PRKN: variants seen among roughly 807,000 people sequenced by gnomAD.
PRKN encodes the protein E3 ubiquitin-protein ligase parkin.
Under a neutral mutation model 59.5 loss-of-function variants are expected in PRKN, and 56 were observed. That is an observed-to-expected ratio of 0.94 (90% confidence interval 0.76 to 1.18). PRKN has a LOEUF of 1.18. PRKN is among the 50% of genes most tolerant of loss of function. PRKN has a pLI of 0.00. For missense variants in PRKN, 657 were observed against 596.4 expected (o/e 1.10, Z -1.06); for synonymous variants, 250 against 222.1 (o/e 1.13, Z -1.12).
chr6:162,010,075 T>C (rs79331980), intron 5 of PRKN, among the ~76,000 whole-genome samples: 8,586 of 150,868 alleles, frequency 0.057, 995 homozygotes, highest in African/African-American at 0.2. Context: ...GAGGAAGCAA[T>C]GGAACATTTT....
At chr6:162,537,424 C>T (rs778990769) in intron 1 of PRKN, among the ~76,000 whole-genome samples, 2 of 152,132 alleles carry the variant, frequency 1.3e-5, no homozygotes, top group African/African-American at 4.8e-5. Context: ...ATATTTTATG[C>T]CTGTTTCTTC....
At position 161,941,881 on chromosome 6, in the gene PRKN, A is replaced by G. The variant is rs150906883; in HGVS notation, c.734+31421T>C. ...GGATCATAGAGGAAAGATCATGTGA[A>G]AAAAGGGTGAGTGTACAATTTTAGG... On this transcript the variant is annotated intron_variant, in intron 6 of 11. Coordinates refer to ENST00000366898, the MANE Select transcript of PRKN (RefSeq NM_004562.3). Among the ~76,000 whole-genome samples, 1,069 of 152,312 alleles carry G rather than the reference A, an allele frequency of 7.0e-3. 15 individuals carry two copies. The highest frequency in any genetic ancestry group is 0.025 in the African/African-American group (1,026 of 41,570).
At chr6:161,810,606 T>A (rs1791519774) in intron 6 of PRKN, among the ~76,000 whole-genome samples, 1 of 152,182 alleles carries the variant, frequency 6.6e-6, no homozygotes, top group Non-Finnish European at 1.5e-5. Flanking sequence ...TTCCCTTGGA[T>A]CAAGACATGG....
intron 4 of PRKN, among the ~76,000 whole-genome samples, chr6:162,178,556 C>G (rs115647009): frequency 6.7e-4 from 102 of 152,320 alleles, no homozygotes; most frequent in African/African-American, 2.5e-3. Flanking sequence ...CAAGTACCTA[C>G]TACCAAGCTA....
chr6:161,707,022 G>A (rs965292521), intron 7 of PRKN, among the ~76,000 whole-genome samples: 1 of 152,150 alleles, frequency 6.6e-6, no homozygotes, highest in Admixed American at 6.5e-5. Flanking sequence ...AATTCTGATA[G>A]TCACATATTT....
At chr6:162,356,750 A>T (rs79527952) in intron 2 of PRKN, among the ~76,000 whole-genome samples, 6 of 94,536 alleles carry the variant, frequency 6.3e-5, no homozygotes, top group African/African-American at 4.0e-4. Context: ...TTATTAGTAA[A>T]AAAAAAAAAA....
intron 7 of PRKN, among the ~76,000 whole-genome samples, chr6:161,758,868 C>T (rs1789063861): frequency 1.3e-5 from 2 of 152,256 alleles, no homozygotes; most frequent in East Asian, 1.9e-4. Context: ...ACATCTTAAC[C>T]TCTTTTGTTT....
intron 1 of PRKN, among the ~76,000 whole-genome samples, chr6:162,645,365 T>C (rs1030976435): frequency 6.6e-6 from 1 of 152,126 alleles, no homozygotes; most frequent in African/African-American, 2.4e-5. Flanking sequence ...CAGCTGATTT[T>C]TGTGCATCAA....
At chr6:162,039,159 A>C (rs890669659) in intron 5 of PRKN, among the ~76,000 whole-genome samples, 8 of 146,690 alleles carry the variant, frequency 5.5e-5, no homozygotes, top group South Asian at 2.1e-4. Flanking sequence ...CCATCTCACA[A>C]AAAAAAAAAA....
At chr6:161,437,275 C>G (rs528389658) in intron 9 of PRKN, among the ~76,000 whole-genome samples, 1 of 152,252 alleles carries the variant, frequency 6.6e-6, no homozygotes, top group African/African-American at 2.4e-5. Flanking sequence ...GCTCTGCTAT[C>G]CCAGATGGCT....
chr6:161,825,792 T>C (rs1438547671), intron 6 of PRKN, among the ~76,000 whole-genome samples: 1 of 152,140 alleles, frequency 6.6e-6, no homozygotes, highest in African/African-American at 2.4e-5. Context: ...CCTCCTTCCC[T>C]TCTCCTTGCC....
rs190758956 is a variant in PRKN at position 161,484,381 on chromosome 6, T to G, written c.1083+64473A>C. On this transcript the variant is annotated intron_variant, in intron 9 of 11. Transcript: ENST00000366898. This position sits in a 1 kb window ranked among gnomAD's most constrained non-coding sequence, Gnocchi z 4.9. ...AGAAAGCCTTTCTTGTTGCTGCTAT[T>G]TGTATCATTATTTCCTTTACTAACA... Among the ~76,000 whole-genome samples, 1 of 152,270 alleles carries G rather than the reference T, an allele frequency of 6.6e-6. No homozygotes were observed. Among genetic ancestry groups the G allele is most frequent in the African/African-American group, 2.4e-5 (1 of 41,552 alleles).
In PRKN at chr6:161,581,406, A is replaced by G. The variant is rs1347977030; in HGVS notation, c.872-11990T>C. ...TGTTTGGTTATTTAGTGACTTTAAA[A>G]ATGTCAATTAACTACCATGCCCAAT... On this transcript the variant is annotated intron_variant, in intron 7 of 11. Transcript: ENST00000366898. The surrounding 1 kb of genome is among the most constrained non-coding windows in gnomAD (Gnocchi z 4.5). Among the ~76,000 whole-genome samples, 2 of 152,218 alleles carry G rather than the reference A, an allele frequency of 1.3e-5. No individual in the cohort carries two copies. Among genetic ancestry groups the G allele is most frequent in the African/African-American group, 4.8e-5 (2 of 41,458 alleles).
chr6:161,708,461 G>GAA (rs67537331), intron 7 of PRKN, among the ~76,000 whole-genome samples: 11 of 124,754 alleles, frequency 8.8e-5, no homozygotes, highest in East Asian at 2.6e-4. Flanking sequence ...GTTGATTTCA[G>GAA]AAAAAAAAAA....
intron 5 of PRKN, among the ~76,000 whole-genome samples, chr6:161,977,348 A>T (rs894151923): frequency 6.1e-4 from 93 of 152,162 alleles, no homozygotes; most frequent in African/African-American, 2.2e-3. Flanking sequence ...GCTAAGTCAG[A>T]TTCTACAGGT....
At position 162,364,470 on chromosome 6, in the gene PRKN, T is replaced by C. The variant is rs368369960; in HGVS notation, c.171+78840A>G. 4.0e-5 allele frequency among the ~76,000 whole-genome samples: 6 copies of C among 151,822 alleles called. No homozygotes were observed. The East Asian group carries it at 5.8e-4, about 15-fold the overall frequency. On this transcript the variant is annotated intron_variant, in intron 2 of 11. Transcript: ENST00000366898. ...CCCTGGGAGTAAAATGTCCCCCAAA[T>C]AAAAACATAAAATAAATAAAATAAA...
chr6:162,151,206 G>GTTT (rs1562543405), intron 4 of PRKN, among the ~76,000 whole-genome samples: 2 of 152,274 alleles, frequency 1.3e-5, no homozygotes. Flanking sequence ...CTCCACACTC[G>GTTT]TAAGTGGGTC....
intron 9 of PRKN, among the ~76,000 whole-genome samples, chr6:161,501,976 G>A (rs187814775): frequency 6.6e-6 from 1 of 152,264 alleles, no homozygotes; most frequent in East Asian, 1.9e-4. Flanking sequence ...TCTAAGATGC[G>A]CTGTCAGTGA....
chr6:161,553,645 T>C (rs1235826094), intron 8 of PRKN, among the ~76,000 whole-genome samples: 3 of 152,266 alleles, frequency 2.0e-5, no homozygotes, highest in Admixed American at 6.5e-5. Flanking sequence ...TTAGAATACT[T>C]CTATTTTTTG....
Sources: allele counts gnomAD v4.1 joint callset (sites outside exome capture counted in the v4.1 genomes callset), GRCh38; gene constraint gnomAD v4.1.1; non-coding constraint Gnocchi (gnomAD v3.1); transcripts MANE v1.5; gene names NCBI Gene and HGNC (gene_info 2026-07-23, HGNC 2026-07-21).